Variants in VSNL1 observed in about 807,000 individuals in gnomAD.
VSNL1 encodes the protein visinin like 1, also known as visinin-like protein 1.
In VSNL1, 6 loss-of-function variants were observed where a neutral mutation model predicts 20.4. The ratio of observed to expected loss-of-function variants is 0.29; its 90% confidence interval spans 0.16 to 0.58. The LOEUF (loss-of-function observed/expected upper bound fraction) is 0.58, where lower values mean the gene tolerates loss of function less well. Ranked by LOEUF, VSNL1 falls within the 20% of genes least tolerant of loss-of-function variation. The pLI is 0.90. For synonymous variants in VSNL1, 93 were observed against 86.4 expected (o/e 1.08, Z -0.42); for missense variants, 100 against 234.5 (o/e 0.43, Z 3.75).
intron 1 of VSNL1, among the ~76,000 whole-genome samples, chr2:17,566,194 T>G (rs986400820): frequency 3.3e-5 from 5 of 152,244 alleles, no homozygotes; most frequent in African/African-American, 9.6e-5. Flanking sequence ...CTTTTCTTTT[T>G]TTGCTATTAC....
At chr2:17,608,196 A>T (rs892414814) in intron 2 of VSNL1, among the ~76,000 whole-genome samples, 5 of 152,250 alleles carry the variant, frequency 3.3e-5, no homozygotes, top group Non-Finnish European at 7.3e-5. Flanking sequence ...TTTTAGAAGA[A>T]ATGCAAGGAA....
chr2:17,609,492 C>T (rs1197700147), intron 2 of VSNL1, among the ~76,000 whole-genome samples: 1 of 152,196 alleles, frequency 6.6e-6, no homozygotes, highest in Non-Finnish European at 1.5e-5. Flanking sequence ...TCAGTGGGTA[C>T]ATTTTTGGAG....
At chr2:17,593,406 C>G (rs1268705719) in intron 2 of VSNL1, among the ~76,000 whole-genome samples, 1 of 152,040 alleles carries the variant, frequency 6.6e-6, no homozygotes, top group Non-Finnish European at 1.5e-5. Flanking sequence ...TCAAAAGATT[C>G]TAAAGGAAAT....
intron 1 of VSNL1, among the ~76,000 whole-genome samples, chr2:17,584,827 T>C (rs62132077): frequency 0.033 from 5,014 of 152,208 alleles, 91 homozygotes; most frequent in East Asian, 0.097. Context: ...AGCTAGGGCA[T>C]GGCTAGGCCC....
intron 2 of VSNL1, among the ~76,000 whole-genome samples, chr2:17,645,592 T>C (rs1218407405): frequency 1.3e-5 from 2 of 152,208 alleles, no homozygotes; most frequent in Non-Finnish European, 2.9e-5. Context: ...GGCTAATGTG[T>C]CTGGTTCTCA....
At chr2:17,565,256 G>A (rs1663910156) in intron 1 of VSNL1, among the ~76,000 whole-genome samples, 1 of 152,102 alleles carries the variant, frequency 6.6e-6, no homozygotes, top group African/African-American at 2.4e-5. Flanking sequence ...TTTTTATTGG[G>A]AGAAATTTCA....
chr2:17,557,464 C>T (rs1354509479), intron 1 of VSNL1, among the ~76,000 whole-genome samples: 1 of 152,118 alleles, frequency 6.6e-6, no homozygotes, highest in Non-Finnish European at 1.5e-5. Flanking sequence ...CAAAATGGCA[C>T]CACTTACAAT....
chr2:17,642,256 T>C (rs950478173), intron 2 of VSNL1, among the ~76,000 whole-genome samples: 3 of 151,170 alleles, frequency 2.0e-5, no homozygotes, highest in Non-Finnish European at 4.4e-5. Context: ...GAACAAAATA[T>C]AATTTCATCC....
chr2:17,571,317 T>G (rs745306534), intron 1 of VSNL1, among the ~76,000 whole-genome samples: 19 of 152,184 alleles, frequency 1.2e-4, no homozygotes, highest in Non-Finnish European at 2.5e-4. Context: ...CATTGTAGCC[T>G]TTAATCTGAT....
intron 1 of VSNL1, among the ~76,000 whole-genome samples, chr2:17,545,585 C>T (rs1300473081): frequency 6.6e-6 from 1 of 152,142 alleles, no homozygotes; most frequent in African/African-American, 2.4e-5. Flanking sequence ...GAGGGGACCA[C>T]ATCATTGCAT....
At chr2:17,544,111 C>T (rs1251388253) in intron 1 of VSNL1, among the ~76,000 whole-genome samples, 2 of 152,162 alleles carry the variant, frequency 1.3e-5, no homozygotes, top group Non-Finnish European at 2.9e-5. Context: ...GAGGAAGTCC[C>T]ACTTGGGATC....
chr2:17,547,226 C>T (rs1237943911), intron 1 of VSNL1, among the ~76,000 whole-genome samples: 1 of 151,954 alleles, frequency 6.6e-6, no homozygotes, highest in Non-Finnish European at 1.5e-5. Context: ...CTCTCAGCCT[C>T]AGTTTCTAAT....
At chr2:17,567,561 T>G (rs566148381) in intron 1 of VSNL1, 2 of 151,850 alleles carry the variant, frequency 1.3e-5, no homozygotes, top group Non-Finnish European at 2.9e-5. Flanking sequence ...GGGGTTTCAC[T>G]GTGTTAGCCA....
intron 1 of VSNL1, among the ~76,000 whole-genome samples, chr2:17,571,738 G>T (rs1044000208): frequency 6.6e-6 from 1 of 152,100 alleles, no homozygotes; most frequent in African/African-American, 2.4e-5. Flanking sequence ...AAATACACTA[G>T]ATAAGTTCAG....
Position 17,655,082 on chromosome 2 carries a change from G to T in VSNL1, c.379-115G>T. 9.6e-7 allele frequency: 1 copy of T among 1,042,018 alleles called. No homozygotes were observed. Among genetic ancestry groups the T allele is most frequent in the East Asian group, 2.5e-5 (1 of 39,928 alleles). 64.5% of individuals were successfully genotyped at this position (1,042,018 alleles called of 1,614,324 possible). A position where few individuals can be genotyped will look rare whatever the true frequency, so the allele number is the denominator to read the frequency against. ...AAGGAGTGAAACTCCTCTGGGGAAA[G>T]GGAAGCTGAGGCTTGGAGGATGGGT... On this transcript the variant is annotated intron_variant, in intron 3 of 3. Transcript: ENST00000295156. The surrounding 1 kb of genome is among the most constrained non-coding windows in gnomAD (Gnocchi z 5.2).
At chr2:17,561,242 G>A (rs1335350869) in intron 1 of VSNL1, among the ~76,000 whole-genome samples, 3 of 152,178 alleles carry the variant, frequency 2.0e-5, no homozygotes, top group African/African-American at 7.2e-5. Flanking sequence ...GAGAATAACA[G>A]CCTATGGAAT....
Position 17,615,706 on chromosome 2 carries a change from C to T in VSNL1, c.162+23470C>T, listed in dbSNP as rs200235881. ...TCTGAGATTCTCTTGGTCTCTCCCT[C>T]GTGAATACAAGATGATTGCTGCAGT... On this transcript the variant is annotated intron_variant, in intron 2 of 3. Transcript: ENST00000295156. Among the ~76,000 whole-genome samples the T allele has an allele frequency of 5.3e-5, 8 of 152,222 alleles. No homozygotes were observed. The East Asian group carries it at 1.5e-3, about 29-fold the overall frequency.
intron 1 of VSNL1, among the ~76,000 whole-genome samples, chr2:17,564,560 C>G (rs1455813271): frequency 6.6e-6 from 1 of 152,022 alleles, no homozygotes; most frequent in African/African-American, 2.4e-5. Context: ...AAGTGTTACT[C>G]CCCTTCCAAC....
At chr2:17,540,013 C>T (rs1002719026), upstream of VSNL1, 2 of 152,032 alleles carry the variant, frequency 1.3e-5, no homozygotes, top group Non-Finnish European at 2.9e-5. Context: ...GGCAAGAAGC[C>T]TCGGATCCCA....
Sources: allele counts gnomAD v4.1 joint callset (sites outside exome capture counted in the v4.1 genomes callset), GRCh38; gene constraint gnomAD v4.1.1; non-coding constraint Gnocchi (gnomAD v3.1); transcripts MANE v1.5; gene names NCBI Gene and HGNC (gene_info 2026-07-23, HGNC 2026-07-21).